FRRS1L: variants seen among roughly 807,000 people sequenced by gnomAD.
FRRS1L encodes DOMON domain-containing protein FRRS1L.
Under a neutral mutation model 28.6 loss-of-function variants are expected in FRRS1L, and 22 were observed. The observed-to-expected ratio is 0.77, with a 90% CI of 0.55 to 1.10. FRRS1L has a LOEUF of 1.10. FRRS1L is among the 50% of genes least tolerant of loss of function. FRRS1L has a pLI of 0.00. For missense variants in FRRS1L, 380 were observed against 386.9 expected, an observed-to-expected ratio of 0.98 and a Z score of 0.15; for synonymous variants, 158 against 151.4, an observed-to-expected ratio of 1.04 and a Z score of -0.32.
At chr9:109,142,833 CACA>C (rs1308103103) in intron 3 of FRRS1L, among the ~76,000 whole-genome samples, 1 of 149,474 alleles carries the variant, frequency 6.7e-6, no homozygotes, top group Non-Finnish European at 1.5e-5. Context: ...AAAAAAAATA[CACA>C]ACAACAAAAA....
intron 1 of FRRS1L, among the ~76,000 whole-genome samples, chr9:109,161,036 C>T (rs183247217): frequency 1.3e-5 from 2 of 152,116 alleles, no homozygotes; most frequent in East Asian, 1.9e-4. Context: ...GGTGATCTGC[C>T]GCCTCGGCTT....
At position 109,136,769 on chromosome 9, in the gene FRRS1L, C is replaced by T. The variant is rs964834898; in HGVS notation, c.*686G>A. The T allele has an allele frequency of 3.9e-5, 6 of 152,156 alleles. No homozygotes were observed. Among genetic ancestry groups the T allele is most frequent in the African/African-American group, 9.7e-5 (4 of 41,424 alleles). The allele number at this position is 152,156 out of a possible 1,614,324, so 9.4% of individuals were successfully genotyped here. Reference sequence around the variant, plus strand: ...AACTCCTGACCTCAGGTGACCTGCCCGTCTTGGCCTCCTAAAGTGCTGGGA... The same window carrying T: ...AACTCCTGACCTCAGGTGACCTGCCTGTCTTGGCCTCCTAAAGTGCTGGGA... On this transcript the variant is annotated 3_prime_UTR_variant, in exon 5 of 5. Coordinates refer to ENST00000561981, the MANE Select transcript of FRRS1L (RefSeq NM_014334.4).
chr9:109,149,215 T>C (rs2118486865), intron 2 of FRRS1L, among the ~76,000 whole-genome samples: 1 of 152,354 alleles, frequency 6.6e-6, no homozygotes, highest in South Asian at 2.1e-4. Context: ...GAATGCTTAA[T>C]GACTAGTTAG....
chr9:109,161,190 G>A lies in FRRS1L; in HGVS notation c.238+5711C>T, dbSNP rs943365966. ...TCCTTAGTCTTGAGACATATGTGTT[G>A]AACCACCCAGACACAACCAGCTTTT... is the stretch of plus-strand genomic sequence containing the variant. On this transcript the variant is annotated intron_variant, in intron 1 of 4. Coordinates refer to ENST00000561981, the MANE Select transcript of FRRS1L (RefSeq NM_014334.4). Among the ~76,000 whole-genome samples, 9 of 151,958 alleles carry A rather than the reference G, an allele frequency of 5.9e-5. No individual in the cohort carries two copies. The South Asian group carries it at 8.4e-4, about 14-fold the overall frequency.
intron 1 of FRRS1L, among the ~76,000 whole-genome samples, chr9:109,160,794 T>C (rs1386923719): frequency 6.9e-6 from 1 of 145,810 alleles, no homozygotes; most frequent in South Asian, 2.2e-4. Flanking sequence ...AAGAAATCTT[T>C]TTTTTTTTTT....
At position 109,137,627 on chromosome 9, in the gene FRRS1L, C is replaced by G. The variant is rs759548438; in HGVS notation, c.710G>C (p.Gly237Ala). 2 of 1,538,674 alleles carry G rather than the reference C, an allele frequency of 1.3e-6. No homozygotes were observed. Among genetic ancestry groups the G allele is most frequent in the East Asian group, 4.6e-5 (2 of 43,922 alleles). Residue 237 changes from glycine (G) to alanine (A), a missense_variant and splice_region_variant, in exon 5 of 5, where the codon GGC (glycine) becomes GCC (alanine). Transcript: ENST00000561981. ...YLFAWGPAIQ[G>A]SITRHDIDSP... ...GTCTATATCATGTCGAGTGATAGAG[C>G]CTTTAAGAAAAAAAGAGAAGAGCAG...
intron 3 of FRRS1L, 83 bp downstream of exon 3, chr9:109,146,968 G>T: frequency 7.9e-7 from 1 of 1,269,938 alleles, no homozygotes; most frequent in Non-Finnish European, 1.1e-6. Flanking sequence ...ATACTGCTTT[G>T]ATCAATTAAC....
rs1412294263 is a variant in FRRS1L, at chr9:109,134,008, ATTACTGTTAGTACTG to A, written c.*3432_*3446del. ...TGTGAATTCTTATTTCTGAAAAATG[ATTACTGTTAGTACTG>A]TTACTAAGGATGTTTCTATTTATGT... On this transcript the variant is annotated 3_prime_UTR_variant, in exon 5 of 5. Coordinates refer to ENST00000561981, the MANE Select transcript of FRRS1L (RefSeq NM_014334.4). The A allele has an allele frequency of 1.3e-5, 2 of 152,214 alleles. No homozygotes were observed. The highest frequency in any genetic ancestry group is 3.8e-4 in the East Asian group (2 of 5,196). The allele number at this position is 152,214 out of a possible 1,614,324, so 9.4% of individuals were successfully genotyped here.
chr9:109,156,514 G>A (rs1226120475), intron 1 of FRRS1L, among the ~76,000 whole-genome samples: 2 of 151,616 alleles, frequency 1.3e-5, no homozygotes, highest in East Asian at 1.9e-4. Flanking sequence ...TCAGCCTCCC[G>A]AGTAGCTGGA....
At chr9:109,162,903 C>T (rs963892563) in intron 1 of FRRS1L, among the ~76,000 whole-genome samples, 1 of 152,168 alleles carries the variant, frequency 6.6e-6, no homozygotes, top group African/African-American at 2.4e-5. Flanking sequence ...CTTGATTGAG[C>T]CACATTTTAC....
At chr9:109,140,868 G>A (rs933912167) in intron 4 of FRRS1L, 34 of 166,444 alleles carry the variant, frequency 2.0e-4, no homozygotes, top group African/African-American at 7.4e-4. Context: ...TACAGCATAG[G>A]AGTTAAGAGT....
Position 109,151,719 on chromosome 9 carries a change from C to G in FRRS1L, c.239-1999G>C, listed in dbSNP as rs77301682. ...ATCACCCAAAAACCTTCCCCTTGAC[C>G]CAGTCCATGGAAAAATCGTCTTCCA... On this transcript the variant is annotated intron_variant, in intron 1 of 4. Transcript: ENST00000561981. 3.1e-3 allele frequency: 495 copies of G among 159,796 alleles called. 3 individuals are homozygous for G. The highest frequency in any genetic ancestry group is 0.011 in the African/African-American group (476 of 41,764). 9.9% of individuals were successfully genotyped at this position (159,796 alleles called of 1,614,324 possible).
rs1257708797 is a variant in FRRS1L, at chr9:109,167,219, C to G, written c.-81G>C. On this transcript the variant is annotated 5_prime_UTR_variant, in exon 1 of 5. Transcript: ENST00000561981. ...GCGCGGGCCGGGACTGAGCCTCCGC[C>G]GAGGCCACCAGCACGCGCCCGCGCA... 26 of 1,344,438 alleles carry G rather than the reference C, an allele frequency of 1.9e-5. No individual in the cohort carries two copies. Among genetic ancestry groups the G allele is most frequent in the Non-Finnish European group, 2.4e-5 (25 of 1,044,118 alleles). The allele number at this position is 1,344,438 out of a possible 1,614,324, so 83.3% of individuals were successfully genotyped here. A position where few individuals can be genotyped will look rare whatever the true frequency, so the allele number is the denominator to read the frequency against.
chr9:109,150,670 C>A (rs1467812676), intron 1 of FRRS1L: 1 of 152,012 alleles, frequency 6.6e-6, no homozygotes, highest in Non-Finnish European at 1.5e-5. Flanking sequence ...TAATTTCTAA[C>A]AGTTGTCTAT....
intron 1 of FRRS1L, among the ~76,000 whole-genome samples, chr9:109,164,420 C>T (rs1374959014): frequency 6.8e-6 from 1 of 146,608 alleles, no homozygotes; most frequent in Non-Finnish European, 1.5e-5. Context: ...TTTTTGAGAC[C>T]GAGTCTCACT....
chr9:109,142,796 G>C (rs560237156), intron 3 of FRRS1L, among the ~76,000 whole-genome samples: 1 of 146,320 alleles, frequency 6.8e-6, no homozygotes, highest in Non-Finnish European at 1.5e-5. Flanking sequence ...AATAGGGTGA[G>C]ACCCTGTCTC....
At chr9:109,155,272 G>A (rs1588102319) in intron 1 of FRRS1L, among the ~76,000 whole-genome samples, 1 of 152,168 alleles carries the variant, frequency 6.6e-6, no homozygotes, top group Non-Finnish European at 1.5e-5. Flanking sequence ...AAATGACACT[G>A]TGCAGTACAT....
At position 109,132,503 on chromosome 9, in the gene FRRS1L, A is replaced by G. The variant is rs990641216; in HGVS notation, c.*4952T>C. ...TGCCCTGTGCCATTTATTTATAAAA[A>G]TAAATCAACAATAATTTATTTTAAA... On this transcript the variant is annotated 3_prime_UTR_variant, in exon 5 of 5. Coordinates refer to ENST00000561981, the MANE Select transcript of FRRS1L (RefSeq NM_014334.4). The G allele has an allele frequency of 1.3e-5, 2 of 152,254 alleles. No individual in the cohort carries two copies. The highest frequency in any genetic ancestry group is 4.8e-5 in the African/African-American group (2 of 41,464). The allele number at this position is 152,254 out of a possible 1,614,324, so 9.4% of individuals were successfully genotyped here. A position where few individuals can be genotyped will look rare whatever the true frequency, so the allele number is the denominator to read the frequency against.
Position 109,167,016 on chromosome 9 carries a change from T to C in FRRS1L, c.123A>G (p.Gly41=). ...TGTCCCCCCGCGCGCGTCCCCGGGGTCCCCGGCCCCCCGGGCCCGCACCGT... is the reference window on the plus strand; with the variant it reads ...TGTCCCCCCGCGCGCGTCCCCGGGGCCCCCGGCCCCCCGGGCCCGCACCGT... The part of the protein sequence containing the change: ...ADDGAGPGGR[G]PRGRARGDTG... Residue 41 remains glycine, a synonymous_variant, in exon 1 of 5, where the codon GGA becomes GGG. Coordinates refer to ENST00000561981, the MANE Select transcript of FRRS1L (RefSeq NM_014334.4). 1 of 1,207,764 alleles carries C rather than the reference T, an allele frequency of 8.3e-7. No homozygotes were observed. Among genetic ancestry groups the C allele is most frequent in the Non-Finnish European group, 1.0e-6 (1 of 973,948 alleles). 74.8% of individuals were successfully genotyped at this position (1,207,764 alleles called of 1,614,324 possible).
Sources: allele counts gnomAD v4.1 joint callset (sites outside exome capture counted in the v4.1 genomes callset), GRCh38; gene constraint gnomAD v4.1.1; transcripts MANE v1.5; gene names NCBI Gene and HGNC (gene_info 2026-07-23, HGNC 2026-07-21).